C12orf42: variants seen among roughly 807,000 people sequenced by gnomAD.
C12orf42 encodes the protein chromosome 12 open reading frame 42.
In C12orf42, 25 loss-of-function variants were observed where a neutral mutation model predicts 21.6. That is an observed-to-expected ratio of 1.16 (90% confidence interval 0.84 to 1.62). C12orf42 has a LOEUF of 1.62. C12orf42 is among the 40% of genes most tolerant of loss of function. The pLI is 0.00. For missense variants in C12orf42, 483 were observed against 459.3 expected (o/e 1.05, Z -0.47); for synonymous variants, 174 against 175.0 (o/e 0.99, Z 0.05).
the C12orf42 span, among the ~76,000 whole-genome samples, chr12:103,122,208 C>T: frequency 1.3e-5 from 2 of 152,192 alleles, no homozygotes; most frequent in Admixed American, 6.5e-5. Flanking sequence ...ACTCTTCTCT[C>T]TGCATGTTTC....
chr12:103,374,752 GC>G (rs2138045428), intron 3 of C12orf42, among the ~76,000 whole-genome samples: 1 of 152,210 alleles, frequency 6.6e-6, no homozygotes, highest in South Asian at 2.1e-4. Context: ...GCTGTCCTGG[GC>G]TGCATGTGGC....
intron 2 of C12orf42, among the ~76,000 whole-genome samples, chr12:103,447,761 G>C (rs567433424): frequency 6.6e-6 from 1 of 151,924 alleles, no homozygotes; most frequent in East Asian, 1.9e-4. Flanking sequence ...CCTGTATAAG[G>C]AAAACTACAA....
intron 4 of C12orf42, among the ~76,000 whole-genome samples, chr12:103,341,834 A>G (rs1266171012): frequency 6.6e-6 from 1 of 152,262 alleles, no homozygotes. Context: ...TGAGTGGCTT[A>G]TATTAATGTA....
chr12:103,057,561 A>T, the C12orf42 span, among the ~76,000 whole-genome samples: 2 of 152,110 alleles, frequency 1.3e-5, no homozygotes, highest in Admixed American at 1.3e-4. Context: ...ATAGTATTTC[A>T]TGGTGTATAT....
At chr12:103,429,732 A>C in intron 2 of C12orf42, among the ~76,000 whole-genome samples, 2 of 152,216 alleles carry the variant, frequency 1.3e-5, no homozygotes. Context: ...CTACAAGGCT[A>C]CAGTAACCAA....
At chr12:103,246,808 T>C (rs1276827614) in intron 10 of C12orf42, among the ~76,000 whole-genome samples, 2 of 152,056 alleles carry the variant, frequency 1.3e-5, no homozygotes, top group South Asian at 4.1e-4. Context: ...ACTATGTTTT[T>C]AAAAGCTTTC....
the C12orf42 span, among the ~76,000 whole-genome samples, chr12:103,208,025 C>T: frequency 1.3e-5 from 2 of 152,120 alleles, no homozygotes; most frequent in South Asian, 2.1e-4. Context: ...TTGTTTCAGC[C>T]GAATCCAGGC....
At chr12:103,346,560 C>T (rs1164705454) in intron 4 of C12orf42, among the ~76,000 whole-genome samples, 1 of 152,068 alleles carries the variant, frequency 6.6e-6, no homozygotes, top group African/African-American at 2.4e-5. Flanking sequence ...GCAAGAGAGT[C>T]CTGAAATAAA....
chr12:103,140,968 T>C, the C12orf42 span, among the ~76,000 whole-genome samples: 1 of 152,168 alleles, frequency 6.6e-6, no homozygotes, highest in Non-Finnish European at 1.5e-5. Context: ...TGCACTAGAA[T>C]ATCAAATTTT....
downstream of C12orf42, among the ~76,000 whole-genome samples, chr12:103,267,322 G>A (rs975776979): frequency 1.3e-5 from 2 of 152,048 alleles, no homozygotes; most frequent in East Asian, 1.9e-4. Flanking sequence ...CTACATATCC[G>A]ACAAATATTG....
At chr12:103,481,460 C>T (rs1954464612) in intron 1 of C12orf42, among the ~76,000 whole-genome samples, 1 of 151,924 alleles carries the variant, frequency 6.6e-6, no homozygotes, top group Non-Finnish European at 1.5e-5. Context: ...TAGCCTGTCC[C>T]TATTTAAAAG....
chr12:103,469,860 T>C (rs1260954504), intron 2 of C12orf42, among the ~76,000 whole-genome samples: 2 of 152,238 alleles, frequency 1.3e-5, no homozygotes, highest in East Asian at 1.9e-4. Flanking sequence ...TGTGCTAATT[T>C]GACTGGTAAA....
At chr12:103,447,668 A>C (rs2137417103) in intron 2 of C12orf42, among the ~76,000 whole-genome samples, 1 of 152,114 alleles carries the variant, frequency 6.6e-6, no homozygotes, top group East Asian at 1.9e-4. Context: ...TGAGAATCAA[A>C]TCAAGAACTC....
the C12orf42 span, among the ~76,000 whole-genome samples, chr12:103,143,383 C>CTGGTAG: frequency 6.6e-6 from 1 of 152,190 alleles, no homozygotes; most frequent in South Asian, 2.1e-4. Flanking sequence ...GGCTCCCTGA[C>CTGGTAG]TGGTAGTTTA....
chr12:103,070,852 T>A, the C12orf42 span, among the ~76,000 whole-genome samples: 1 of 152,184 alleles, frequency 6.6e-6, no homozygotes, highest in South Asian at 2.1e-4. Context: ...TGTCAACATG[T>A]GATTGTCACG....
chr12:103,357,081 G>A (rs1180174048), intron 4 of C12orf42, among the ~76,000 whole-genome samples: 20 of 145,324 alleles, frequency 1.4e-4, no homozygotes, highest in African/African-American at 4.1e-4. Context: ...CTCACTCATA[G>A]GTGGGAATTG....
At chr12:103,397,046 G>A (rs1410699937) in intron 3 of C12orf42, among the ~76,000 whole-genome samples, 2 of 152,182 alleles carry the variant, frequency 1.3e-5, no homozygotes, top group East Asian at 3.8e-4. Flanking sequence ...GTTCTAAACT[G>A]GGAGGGAAAA....
At chr12:103,559,983 A>G in the C12orf42 span, among the ~76,000 whole-genome samples, 1 of 152,230 alleles carries the variant, frequency 6.6e-6, no homozygotes. Context: ...TAGGGGGAAA[A>G]ATGCCTCAAA....
chr12:103,194,863 G>T, the C12orf42 span, among the ~76,000 whole-genome samples: 10 of 152,168 alleles, frequency 6.6e-5, no homozygotes, highest in South Asian at 1.7e-3. Flanking sequence ...TTGTGTATTG[G>T]TGGGGTTTGG....
Sources: gnomAD v4.1 joint callset for allele counts (sites outside exome capture counted in the v4.1 genomes callset) on GRCh38, gnomAD v4.1.1 for gene constraint, MANE v1.5 for transcripts, NCBI Gene and HGNC (gene_info 2026-07-23, HGNC 2026-07-21) for gene names.